CLUAP1: variants seen among roughly 807,000 people sequenced by gnomAD.
CLUAP1 encodes clusterin-associated protein 1.
In CLUAP1, 50 loss-of-function variants were observed where a neutral mutation model predicts 55.0. The ratio of observed to expected loss-of-function variants is 0.91; its 90% CI spans 0.72 to 1.15. The LOEUF (loss-of-function observed/expected upper bound fraction) is 1.15, where lower values mean the gene tolerates loss of function less well. CLUAP1 is among the 50% of genes most tolerant of loss of function. The pLI, the probability that CLUAP1 is intolerant of heterozygous loss-of-function variation, is 0.00. For missense variants in CLUAP1, 530 were observed against 507.6 expected, an observed-to-expected ratio of 1.04 and a Z score of -0.42; for synonymous variants, 195 against 175.4, an observed-to-expected ratio of 1.11 and a Z score of -0.88.
At chr16:3,527,121 C>T (rs1230250962) in intron 9 of CLUAP1, among the ~76,000 whole-genome samples, 2 of 152,122 alleles carry the variant, frequency 1.3e-5, no homozygotes, top group Non-Finnish European at 2.9e-5. Flanking sequence ...GGGCGGCAAG[C>T]CGCCCAGGTG....
chr16:3,506,299 C>T lies in CLUAP1; in HGVS notation c.135-32C>T, dbSNP rs768048477. The T allele has an allele frequency of 2.4e-5, 37 of 1,557,714 alleles. 1 individual carries two copies. In the Admixed American group the frequency reaches 5.8e-4, roughly 25 times the overall value. On this transcript the variant is annotated intron_variant, in intron 2 of 11. Transcript: ENST00000576634. Reference sequence around the variant, plus strand: ...TTTAGTAGACTTTCTCCTTGGTTAACCCGTGCTCTCTCCTCTTACCTCTCT... The same window carrying T: ...TTTAGTAGACTTTCTCCTTGGTTAATCCGTGCTCTCTCCTCTTACCTCTCT...
upstream of CLUAP1, among the ~76,000 whole-genome samples, chr16:3,499,354 A>G (rs2037346173): frequency 6.6e-6 from 1 of 152,256 alleles, no homozygotes. Flanking sequence ...TCAAAAAAAA[A>G]AGTTCAAGTT....
At chr16:3,497,809 T>G (rs1325096927), upstream of CLUAP1, among the ~76,000 whole-genome samples, 1 of 152,066 alleles carries the variant, frequency 6.6e-6, no homozygotes, top group African/African-American at 2.4e-5. Context: ...TTTATTTTCA[T>G]TTTTTAATTT....
At chr16:3,500,197 C>G (rs940586354), upstream of CLUAP1, among the ~76,000 whole-genome samples, 3 of 152,164 alleles carry the variant, frequency 2.0e-5, no homozygotes, top group African/African-American at 7.2e-5. Context: ...CGGCTCAGGG[C>G]CCCTTTCCGG....
upstream of CLUAP1, chr16:3,500,856 C>T: frequency 3.4e-6 from 2 of 587,432 alleles, no homozygotes; most frequent in Non-Finnish European, 6.0e-6. Flanking sequence ...ATCGCCACGC[C>T]CTCTGCCCTC....
upstream of CLUAP1, chr16:3,496,548 G>A: frequency 3.6e-6 from 2 of 550,854 alleles, no homozygotes; most frequent in Non-Finnish European, 7.1e-6. Flanking sequence ...GGCATCCTCA[G>A]GGTGGGGGCC....
intron 8 of CLUAP1, among the ~76,000 whole-genome samples, chr16:3,526,145 A>T (rs1037757731): frequency 5.3e-5 from 8 of 152,168 alleles, no homozygotes; most frequent in Non-Finnish European, 1.0e-4. Context: ...AGGCAGGGAA[A>T]TGCAATCGGA....
intron 8 of CLUAP1, among the ~76,000 whole-genome samples, chr16:3,525,727 G>T (rs934456931): frequency 6.6e-6 from 1 of 152,034 alleles, no homozygotes; most frequent in African/African-American, 2.4e-5. Context: ...ACCATACCTG[G>T]CTAAATTTTT....
chr16:3,504,888 C>T, intron 2 of CLUAP1, 57 bp downstream of exon 2: 2 of 1,052,292 alleles, frequency 1.9e-6, no homozygotes, highest in Non-Finnish European at 3.0e-6. Context: ...ATTTATTAGT[C>T]ATCTAGAAAA....
At chr16:3,512,277 C>G (rs1322446748) in intron 4 of CLUAP1, 106 bp from the exon 5 acceptor site, 10 of 783,436 alleles carry the variant, frequency 1.3e-5, no homozygotes, top group African/African-American at 6.8e-5. Flanking sequence ...CGGAGGGTCA[C>G]TTGAGGCCAG....
intron 3 of CLUAP1, among the ~76,000 whole-genome samples, chr16:3,507,810 C>T (rs2037539594): frequency 6.6e-6 from 1 of 151,754 alleles, no homozygotes; most frequent in South Asian, 2.1e-4. Flanking sequence ...TGTTTAGCAT[C>T]TTGCTTTACT....
intron 9 of CLUAP1, among the ~76,000 whole-genome samples, chr16:3,527,925 G>A (rs1033985362): frequency 5.3e-5 from 8 of 152,102 alleles, no homozygotes; most frequent in African/African-American, 1.9e-4. Context: ...CCTTTGTCTT[G>A]TATCCAATAA....
intron 9 of CLUAP1, among the ~76,000 whole-genome samples, chr16:3,526,786 G>A (rs920139851): frequency 6.6e-6 from 1 of 151,964 alleles, no homozygotes; most frequent in Non-Finnish European, 1.5e-5. Flanking sequence ...AACACATTTC[G>A]TTCTTGTGCC....
In CLUAP1 at chr16:3,506,406, C is replaced by T; in HGVS notation, c.210C>T (p.Ala70=). 6.2e-7 allele frequency: 1 copy of T among 1,612,788 alleles called. No homozygotes were observed. The highest frequency in any genetic ancestry group is 2.2e-5 in the East Asian group (1 of 44,880). ...GAGTTTTCTTCATTAAGGCAATTGC[C>T]CAGTTCATGGTTAGTGGACACTTAT... ...QDRVFFIKAI[A]QFMATKAHIK... The change falls in exon 3 of 12, where the codon GCC becomes GCT. Residue 70 remains alanine (A), a synonymous_variant. Transcript: ENST00000576634.
chr16:3,511,595 TTGTG>T (rs762332052), intron 4 of CLUAP1, among the ~76,000 whole-genome samples: 1 of 152,086 alleles, frequency 6.6e-6, no homozygotes, highest in Non-Finnish European at 1.5e-5. Context: ...GGCTGTCCCT[TTGTG>T]TGGCCGCTCT....
rs2038148080 is a variant in CLUAP1, at chr16:3,532,634, C to CCTCAAACT, written c.1037-150_1037-143dup. On this transcript the variant is annotated intron_variant, in intron 10 of 11. Transcript: ENST00000576634. ...GGTTTCATTATGTTGCCCAGGCTGGCCTCAAACTCCTGGCCTCCTGTCTCA... is the reference window on the plus strand; with the variant it reads ...GGTTTCATTATGTTGCCCAGGCTGGCCTCAAACTCTCAAACTCCTGGCCTCCTGTCTCA... 9.8e-6 allele frequency: 7 copies of CCTCAAACT among 716,228 alleles called. No individual in the cohort carries two copies. In the South Asian group the frequency reaches 1.2e-4, roughly 13 times the overall value. The allele number at this position is 716,228 out of a possible 1,614,324, so 44.4% of individuals were successfully genotyped here.
intron 2 of CLUAP1, among the ~76,000 whole-genome samples, chr16:3,505,673 G>GC (rs1272052930): frequency 6.6e-6 from 1 of 152,112 alleles, no homozygotes; most frequent in African/African-American, 2.4e-5. Flanking sequence ...CTGCTCTTCA[G>GC]CCCCTCATGG....
At chr16:3,500,691 A>G (rs1006352288), upstream of CLUAP1, among the ~76,000 whole-genome samples, 4 of 152,176 alleles carry the variant, frequency 2.6e-5, no homozygotes, top group South Asian at 4.1e-4. Context: ...CATTCTTTAT[A>G]GAAATGAGGG....
At chr16:3,518,051 A>G (rs1036804655) in intron 6 of CLUAP1, among the ~76,000 whole-genome samples, 4 of 152,020 alleles carry the variant, frequency 2.6e-5, no homozygotes, top group Non-Finnish European at 5.9e-5. Context: ...TGATGATTGT[A>G]TTGTGGGGAT....
Sources: gnomAD v4.1 joint callset for allele counts (sites outside exome capture counted in the v4.1 genomes callset) on GRCh38, gnomAD v4.1.1 for gene constraint, MANE v1.5 for transcripts, NCBI Gene and HGNC (gene_info 2026-07-23, HGNC 2026-07-21) for gene names.